The following ZSWIM2 variants were observed in gnomAD, a reference collection of about 807,000 sequenced individuals.
ZSWIM2 encodes E3 ubiquitin-protein ligase ZSWIM2.
ZSWIM2 carries 38 observed loss-of-function variants against 48.4 expected under a neutral mutation model. The observed-to-expected ratio is 0.79, with a 90% confidence interval of 0.61 to 1.03. The LOEUF (loss-of-function observed/expected upper bound fraction) is 1.03. Ranked by LOEUF, ZSWIM2 falls within the 50% of genes least tolerant of loss-of-function variation. The pLI is 0.00. For missense variants in ZSWIM2, 776 were observed against 730.2 expected (o/e 1.06, Z -0.72); for synonymous variants, 240 against 251.3 (o/e 0.96, Z 0.42).
chr2:186,829,273 T>C (rs1042060042), intron 8 of ZSWIM2, among the ~76,000 whole-genome samples: 19 of 152,128 alleles, frequency 1.2e-4, no homozygotes, highest in Non-Finnish European at 2.6e-4. Flanking sequence ...AAAAAGTTGG[T>C]TATCAACCAC....
intron 3 of ZSWIM2, among the ~76,000 whole-genome samples, chr2:186,844,139 T>C (rs1691954925): frequency 6.6e-6 from 1 of 151,656 alleles, no homozygotes; most frequent in Admixed American, 6.6e-5. Flanking sequence ...TTATAAGATG[T>C]ACAAATTTAA....
chr2:186,848,839 C>A (rs1574144549), intron 1 of ZSWIM2, 127 bp downstream of exon 1: 1 of 1,243,440 alleles, frequency 8.0e-7, no homozygotes, highest in African/African-American at 1.5e-5. Flanking sequence ...TGGGAAGGCG[C>A]TTTCGGGGGT....
chr2:186,841,544 T>G (rs1304849160), intron 3 of ZSWIM2, among the ~76,000 whole-genome samples: 3 of 151,298 alleles, frequency 2.0e-5, no homozygotes, highest in Non-Finnish European at 4.5e-5. Context: ...ACAGTAAGAC[T>G]TTAGGCTAAG....
chr2:186,842,888 A>G (rs1691930439), intron 3 of ZSWIM2, among the ~76,000 whole-genome samples: 1 of 151,600 alleles, frequency 6.6e-6, no homozygotes, highest in South Asian at 2.1e-4. Context: ...TTTTTCAGCT[A>G]CAAATTTTGA....
intron 5 of ZSWIM2, among the ~76,000 whole-genome samples, chr2:186,836,755 C>T (rs1016298316): frequency 5.3e-5 from 8 of 152,174 alleles, no homozygotes; most frequent in African/African-American, 7.2e-5. Context: ...GGGGGTTACT[C>T]ACAGTGAAAA....
chr2:186,849,103 C>T lies in ZSWIM2; in HGVS notation c.28G>A (p.Glu10Lys). The part of the protein sequence containing the change: MLRRGYKAS[E>K]RRRHLSERLS... ...CTCTCGCTCAAGTGTCTTCGCCTTT[C>T]AGAGGCCTTATAGCCTCGGCGAAGC... Residue 10 changes from glutamate to lysine, a missense_variant, in exon 1 of 9, where the codon GAA becomes AAA. Coordinates refer to ENST00000295131, the MANE Select transcript of ZSWIM2 (RefSeq NM_182521.3). 2 of 1,613,784 alleles carry T rather than the reference C, an allele frequency of 1.2e-6. No individual in the cohort carries two copies. Among genetic ancestry groups the T allele is most frequent in the Non-Finnish European group, 1.7e-6 (2 of 1,179,914 alleles).
intron 3 of ZSWIM2, among the ~76,000 whole-genome samples, chr2:186,840,934 T>C (rs1691891856): frequency 1.3e-5 from 2 of 151,482 alleles, no homozygotes; most frequent in Admixed American, 1.3e-4. Context: ...TCCTAATAAA[T>C]AGCCAAAATA....
Position 186,829,895 on chromosome 2 carries a change from G to A in ZSWIM2, c.942-15C>T. ...TGTAAACTTGGCTGAATGAGAATAA[G>A]CAGAGACATGAGTGTTTACATGTTA... On this transcript the variant is annotated splice_polypyrimidine_tract_variant and intron_variant, in intron 7 of 8. Transcript: ENST00000295131. 6.2e-7 allele frequency: 1 copy of A among 1,612,844 alleles called. No homozygotes were observed.
Position 186,828,780 on chromosome 2 carries a change from T to C in ZSWIM2, c.1106A>G (p.Lys369Arg). Reference sequence around the variant, plus strand: ...GTGGAATAACCAGTTGTCAATACACTTCCTGTGAAACTTTAAAAAAAAGGT... The same window carrying C: ...GTGGAATAACCAGTTGTCAATACACCTCCTGTGAAACTTTAAAAAAAAGGT... ...LLPCTHKFHR[K>R]CIDNWLFHKC... The change falls in exon 9 of 9, where the codon AAG becomes AGG. Residue 369 changes from lysine (K) to arginine (R), a missense_variant. Physicochemically the swap from Lys to Arg is conservative, Grantham distance 26. Transcript: ENST00000295131. The C allele has an allele frequency of 6.5e-7, 1 of 1,536,698 alleles. No homozygotes were observed. Among genetic ancestry groups the C allele is most frequent in the Non-Finnish European group, 8.7e-7 (1 of 1,143,794 alleles).
intron 8 of ZSWIM2, 116 bp downstream of exon 8, chr2:186,829,611 G>A: frequency 4.0e-6 from 4 of 1,007,448 alleles, no homozygotes; most frequent in Non-Finnish European, 5.7e-6. Flanking sequence ...GCTGTGCAAT[G>A]TGAACACCTC....
At chr2:186,832,446 C>G (rs1198819042) in intron 7 of ZSWIM2, among the ~76,000 whole-genome samples, 2 of 151,948 alleles carry the variant, frequency 1.3e-5, no homozygotes, top group African/African-American at 4.8e-5. Flanking sequence ...TTGAACAGGA[C>G]TATTGCAAAA....
intron 4 of ZSWIM2, 40 bp from the exon 5 acceptor site, chr2:186,837,594 C>A (rs1174061350): frequency 6.9e-7 from 1 of 1,447,340 alleles, no homozygotes; most frequent in Non-Finnish European, 9.4e-7. Context: ...TTGTATAGAG[C>A]AGTTTTACAT....
intron 3 of ZSWIM2, among the ~76,000 whole-genome samples, chr2:186,840,072 T>C (rs1301283268): frequency 1.3e-5 from 2 of 151,590 alleles, no homozygotes; most frequent in Admixed American, 1.3e-4. Flanking sequence ...ACTAAAATAC[T>C]GAAAACATCA....
intron 7 of ZSWIM2, among the ~76,000 whole-genome samples, chr2:186,831,163 A>T (rs1421689942): frequency 6.6e-6 from 1 of 152,074 alleles, no homozygotes; most frequent in African/African-American, 2.4e-5. Context: ...ACCGTTAGTT[A>T]TACAACTTAG....
rs563233850 is a variant in ZSWIM2 at position 186,845,368 on chromosome 2, C to T, written c.243-611G>A. 4.0e-5 allele frequency among the ~76,000 whole-genome samples: 6 copies of T among 151,018 alleles called. No individual in the cohort carries two copies. In the South Asian group the frequency reaches 1.0e-3, roughly 26 times the overall value. On this transcript the variant is annotated intron_variant, in intron 2 of 8. Transcript: ENST00000295131. ...TAATAATCAAAAGAGAATACCCTTCCCCTGACATAAAATGAAAATGGAAAA... is the reference window on the plus strand; with the variant it reads ...TAATAATCAAAAGAGAATACCCTTCTCCTGACATAAAATGAAAATGGAAAA...
At chr2:186,830,033 TA>T (rs1288881447) in intron 7 of ZSWIM2, among the ~76,000 whole-genome samples, 153 bp from the exon 8 acceptor site, 1 of 152,122 alleles carries the variant, frequency 6.6e-6, no homozygotes, top group Non-Finnish European at 1.5e-5. Context: ...ATTATAAAGT[TA>T]AAAAAATCTA....
Position 186,833,218 on chromosome 2 carries a change from T to G in ZSWIM2, c.843A>C (p.Lys281Asn), listed in dbSNP as rs1372442251. Residue 281 changes from lysine to asparagine, a missense_variant, in exon 7 of 9, where the codon AAA (lysine) becomes AAC (asparagine). By Grantham distance (94) the Lys-to-Asn change is moderately conservative (BLOSUM62 0). Transcript: ENST00000295131. ...TFTFREKRNQ[K>N]WRSLEKRADE... is the part of the protein sequence containing the mutation. ...CTGCTCTTTTTTCTAGTGATCTCCA[T>G]TTTTGGTTTCTTTTCTGTAATAGGT... The G allele has an allele frequency of 2.6e-6, 4 of 1,529,730 alleles. No homozygotes were observed. The highest frequency in any genetic ancestry group is 3.5e-6 in the Non-Finnish European group (4 of 1,137,202). 94.8% of individuals were successfully genotyped at this position (1,529,730 alleles called of 1,614,324 possible).
At position 186,848,697 on chromosome 2, in the gene ZSWIM2, T is replaced by C. The variant is rs1272337522; in HGVS notation, c.165+269A>G. The C allele has an allele frequency of 8.0e-6, 3 of 377,358 alleles. No individual in the cohort carries two copies. The East Asian group carries it at 1.5e-4, about 19-fold the overall frequency. The allele number at this position is 377,358 out of a possible 1,614,324, so 23.4% of individuals were successfully genotyped here. The stretch of plus-strand genomic sequence containing the variant: ...CCAGGTATTCATACGCCTCTGACAT[T>C]TTCAAGCCTAAAGATCAAGAGCCAT... On this transcript the variant is annotated intron_variant, in intron 1 of 8. Transcript: ENST00000295131.
In ZSWIM2 at chr2:186,848,974, C is replaced by G; in HGVS notation, c.157G>C (p.Asp53His). 1 of 1,614,036 alleles carries G rather than the reference C, an allele frequency of 6.2e-7. No individual in the cohort carries two copies. The highest frequency in any genetic ancestry group is 8.5e-7 in the Non-Finnish European group (1 of 1,179,968). The stretch of plus-strand genomic sequence containing the variant: ...GTAGGGGCGGTAGTTACTCGGAAAT[C>G]CATGTATTCCGGCTCCTCCTCCCTC... Reference protein sequence around the residue: ...LLREEEPEYMDFRVFLGNPHV... With the variant: ...LLREEEPEYMHFRVFLGNPHV... The change falls in exon 1 of 9, where the codon GAT (aspartate) becomes CAT (histidine). Residue 53 changes from aspartate (D) to histidine (H), a missense_variant. Physicochemically the swap from Asp to His is moderately conservative, Grantham distance 81. Coordinates refer to ENST00000295131, the MANE Select transcript of ZSWIM2 (RefSeq NM_182521.3).
Sources: allele counts gnomAD v4.1 joint callset (sites outside exome capture counted in the v4.1 genomes callset), GRCh38; gene constraint gnomAD v4.1.1; transcripts MANE v1.5; gene names NCBI Gene and HGNC (gene_info 2026-07-23, HGNC 2026-07-21).